OTUD7A: variants seen among roughly 807,000 people sequenced by gnomAD.
The protein encoded by OTUD7A is OTU deubiquitinase 7A.
Under a neutral mutation model 65.7 loss-of-function variants are expected in OTUD7A, and 12 were observed. The observed-to-expected ratio is 0.18, with a 90% CI of 0.12 to 0.30. The LOEUF (loss-of-function observed/expected upper bound fraction) is 0.30. Ranked by LOEUF, OTUD7A falls within the 10% of genes least tolerant of loss-of-function variation. The pLI is 1.00. For missense variants in OTUD7A, 1,148 were observed against 1,304.8 expected (o/e 0.88, Z 1.85); for synonymous variants, 641 against 586.3 (o/e 1.09, Z -1.35).
intron 1 of OTUD7A, among the ~76,000 whole-genome samples, chr15:31,664,280 T>A: frequency 9.4e-6 from 1 of 106,744 alleles, no homozygotes; most frequent in African/African-American, 6.1e-5. Flanking sequence ...CTAGTTTACA[T>A]TCCCACCAGA....
intron 3 of OTUD7A, among the ~76,000 whole-genome samples, chr15:31,643,694 G>T (rs984908940): frequency 2.0e-5 from 3 of 152,272 alleles, no homozygotes; most frequent in Non-Finnish European, 4.4e-5. Context: ...CTGATTGAGT[G>T]CCAGACAGCA....
chr15:31,851,848 GTTTGT>G (rs541684091), intron 1 of OTUD7A, among the ~76,000 whole-genome samples: 53 of 152,198 alleles, frequency 3.5e-4, no homozygotes, highest in East Asian at 1.4e-3. Context: ...TTTGTGTTTT[GTTTGT>G]TTTGTTTTGT....
intron 3 of OTUD7A, among the ~76,000 whole-genome samples, chr15:31,582,662 A>G (rs1889407783): frequency 6.6e-6 from 1 of 152,158 alleles, no homozygotes. Context: ...CTACCACAAG[A>G]ACAGTATGGG....
intron 1 of OTUD7A, among the ~76,000 whole-genome samples, chr15:31,798,764 C>A (rs947514419): frequency 1.7e-4 from 26 of 152,248 alleles, no homozygotes; most frequent in African/African-American, 6.3e-4. Context: ...TGGTTCCCAG[C>A]CCCCACGGCC....
chr15:31,856,967 A>G (rs1419162396), intron 1 of OTUD7A, among the ~76,000 whole-genome samples: 1 of 152,172 alleles, frequency 6.6e-6, no homozygotes, highest in Non-Finnish European at 1.5e-5. Context: ...CCTTTCTCTA[A>G]TAGTTGACGG....
chr15:31,641,057 A>G (rs1891499703), intron 3 of OTUD7A, among the ~76,000 whole-genome samples: 1 of 152,152 alleles, frequency 6.6e-6, no homozygotes. Context: ...TGAAATCCCC[A>G]TAATCCCCAC....
chr15:31,869,573 T>C (rs1186234043), intron 1 of OTUD7A, among the ~76,000 whole-genome samples: 1 of 152,252 alleles, frequency 6.6e-6, no homozygotes, highest in Non-Finnish European at 1.5e-5. Flanking sequence ...TGGATCCTTG[T>C]GCTGTGGATG....
At chr15:31,598,621 A>G (rs1889980290) in intron 3 of OTUD7A, among the ~76,000 whole-genome samples, 1 of 151,782 alleles carries the variant, frequency 6.6e-6, no homozygotes, top group South Asian at 2.1e-4. Flanking sequence ...TTTTTTTTCC[A>G]TACCCCAGTG....
chr15:31,742,937 C>T (rs996808625), intron 1 of OTUD7A, among the ~76,000 whole-genome samples: 12 of 151,870 alleles, frequency 7.9e-5, no homozygotes, highest in South Asian at 2.1e-4. Context: ...TATAAATACA[C>T]GACTTCAAAA....
chr15:31,778,242 G>C (rs1340087369), intron 1 of OTUD7A, among the ~76,000 whole-genome samples: 2 of 152,138 alleles, frequency 1.3e-5, no homozygotes, highest in African/African-American at 4.8e-5. Context: ...GAATTCCGGG[G>C]GTCAGCAGGG....
At chr15:31,633,002 A>C (rs560830181) in intron 3 of OTUD7A, among the ~76,000 whole-genome samples, 2 of 151,942 alleles carry the variant, frequency 1.3e-5, no homozygotes, top group South Asian at 4.2e-4. Flanking sequence ...GAGTGAACCG[A>C]TTTTCCAGGT....
At chr15:31,799,187 C>A (rs1411230077) in intron 1 of OTUD7A, among the ~76,000 whole-genome samples, 2 of 152,172 alleles carry the variant, frequency 1.3e-5, no homozygotes, top group Non-Finnish European at 2.9e-5. Context: ...AGGAGGGCAC[C>A]TGGACATGAA....
At chr15:31,843,329 TC>T (rs1183183541) in intron 1 of OTUD7A, among the ~76,000 whole-genome samples, 2 of 109,608 alleles carry the variant, frequency 1.8e-5, no homozygotes, top group South Asian at 6.0e-4. Flanking sequence ...ATATTTTTTC[TC>T]CAAAAAAAAA....
intron 1 of OTUD7A, among the ~76,000 whole-genome samples, chr15:31,862,203 G>C (rs1897759855): frequency 6.6e-6 from 1 of 152,162 alleles, no homozygotes; most frequent in African/African-American, 2.4e-5. Flanking sequence ...TTCATGTAAA[G>C]GACTAATCTT....
intron 5 of OTUD7A, chr15:31,558,660 G>C (rs745696516): frequency 1.2e-5 from 5 of 416,808 alleles, no homozygotes; most frequent in Admixed American, 7.4e-5. Flanking sequence ...CGGAGGAGTT[G>C]TCTGGGGAAA....
intron 1 of OTUD7A, among the ~76,000 whole-genome samples, chr15:31,863,452 T>C (rs2141019443): frequency 6.6e-6 from 1 of 152,322 alleles, no homozygotes; most frequent in Non-Finnish European, 1.5e-5. Context: ...TCTTCTGAAA[T>C]CTAGGTGGAG....
chr15:31,620,447 C>T (rs1344979173), intron 3 of OTUD7A, among the ~76,000 whole-genome samples: 5 of 152,030 alleles, frequency 3.3e-5, no homozygotes, highest in African/African-American at 1.2e-4. Flanking sequence ...ATTTCAGAGA[C>T]TGTTATTGGT....
chr15:31,482,280 G>C lies in OTUD7A; in HGVS notation c.*1014C>G, dbSNP rs962813376. The stretch of plus-strand genomic sequence containing the variant: ...GCTGAACCCAGACAGATGCAGGTGT[G>C]GGGGTGGGCTTCCTTCCTGGTTCCC... On this transcript the variant is annotated 3_prime_UTR_variant, in exon 13 of 13. Coordinates refer to ENST00000307050, the MANE Select transcript of OTUD7A (RefSeq NM_001382637.1). The C allele has an allele frequency of 2.0e-5, 3 of 152,454 alleles. No individual in the cohort carries two copies. Among genetic ancestry groups the C allele is most frequent in the East Asian group, 3.9e-4 (2 of 5,192 alleles). The allele number at this position is 152,454 out of a possible 1,614,324, so 9.4% of individuals were successfully genotyped here.
chr15:31,772,165 T>C lies in OTUD7A; in HGVS notation c.-100+98342A>G, dbSNP rs1002645555. Among the ~76,000 whole-genome samples, 423 of 142,992 alleles carry C rather than the reference T, an allele frequency of 3.0e-3. 8 individuals carry two copies. Among genetic ancestry groups the C allele is most frequent in the Middle Eastern group, 3.6e-3 (1 of 274 alleles). The allele number at this position is 142,992 out of a possible 152,430, so 93.8% of individuals were successfully genotyped here. A position where few individuals can be genotyped will look rare whatever the true frequency, so the allele number is the denominator to read the frequency against. ...TACTTGGGAGGCTGAGGCAGGAGAATGGCGTGAACCCGGGAGGCGGAGCTT... is the reference window on the plus strand; with the variant it reads ...TACTTGGGAGGCTGAGGCAGGAGAACGGCGTGAACCCGGGAGGCGGAGCTT... On this transcript the variant is annotated intron_variant, in intron 1 of 12. Transcript: ENST00000307050.
Sources: allele counts gnomAD v4.1 joint callset (sites outside exome capture counted in the v4.1 genomes callset), GRCh38; gene constraint gnomAD v4.1.1; transcripts MANE v1.5; gene names NCBI Gene and HGNC (gene_info 2026-07-23, HGNC 2026-07-21).